Variants in LRRC28 observed in about 807,000 individuals in gnomAD.
LRRC28 encodes leucine-rich repeat-containing protein 28.
Under a neutral mutation model 45.7 loss-of-function variants are expected in LRRC28, and 39 were observed. The observed-to-expected ratio is 0.85, with a 90% CI of 0.66 to 1.12. The LOEUF (loss-of-function observed/expected upper bound fraction) is 1.12. Ranked by LOEUF, LRRC28 falls within the 50% of genes most tolerant of loss-of-function variation. The pLI is 0.00. For synonymous variants in LRRC28, 206 were observed against 178.8 expected, an observed-to-expected ratio of 1.15 and a Z score of -1.22; for missense variants, 435 against 438.5, an observed-to-expected ratio of 0.99 and a Z score of 0.07.
intron 5 of LRRC28, among the ~76,000 whole-genome samples, chr15:99,302,296 G>C (rs1955008352): frequency 6.6e-6 from 1 of 152,020 alleles, no homozygotes; most frequent in Admixed American, 6.6e-5. Flanking sequence ...CAAAGTGCTG[G>C]GATTACAGGC....
Position 99,343,997 on chromosome 15 carries a change from C to T in LRRC28, c.593-8372C>T, listed in dbSNP as rs192357388. Among the ~76,000 whole-genome samples the T allele has an allele frequency of 1.3e-4, 20 of 152,236 alleles. No homozygotes were observed. The East Asian group carries it at 2.1e-3, about 16-fold the overall frequency. On this transcript the variant is annotated intron_variant, in intron 6 of 9. Coordinates refer to ENST00000301981, the MANE Select transcript of LRRC28 (RefSeq NM_144598.5). ...CTTTACAGCCTGTGACCTTGCCCGG[C>T]GCTGCGGTGTCCTGGCCTCCCCACC...
intron 5 of LRRC28, among the ~76,000 whole-genome samples, chr15:99,310,230 C>CT (rs1316509929): frequency 6.6e-6 from 1 of 152,096 alleles, no homozygotes; most frequent in Non-Finnish European, 1.5e-5. Context: ...ATTTTTCTGC[C>CT]TTTTTCTAAA....
chr15:99,345,387 T>A (rs1956646861), intron 6 of LRRC28, among the ~76,000 whole-genome samples: 1 of 152,244 alleles, frequency 6.6e-6, no homozygotes, highest in South Asian at 2.1e-4. Context: ...CAAAGTGTTC[T>A]ATGTACCTTT....
chr15:99,251,984 G>A (rs765286739), intron 1 of LRRC28: 4 of 152,166 alleles, frequency 2.6e-5, no homozygotes, highest in Non-Finnish European at 4.4e-5. Flanking sequence ...AGTACGGGGA[G>A]GTCAGTATAA....
intron 5 of LRRC28, among the ~76,000 whole-genome samples, chr15:99,303,535 T>TCAAGAATATAAAAACGGC (rs1955060977): frequency 6.6e-6 from 1 of 152,046 alleles, no homozygotes. Flanking sequence ...CATTCATAGA[T>TCAAGAATATAAAAACGGC]CAAGAATATA....
intron 2 of LRRC28, chr15:99,259,164 A>T (rs1318246318): frequency 1.6e-6 from 2 of 1,284,704 alleles, no homozygotes; most frequent in Non-Finnish European, 2.3e-6. Flanking sequence ...TCTTCTCATC[A>T]TCCAGCTGAC....
chr15:99,344,031 CTG>C (rs1432173459), intron 6 of LRRC28, among the ~76,000 whole-genome samples: 1 of 152,154 alleles, frequency 6.6e-6, no homozygotes, highest in African/African-American at 2.4e-5. Context: ...CCAGGCTGTG[CTG>C]TGCCAACTAA....
chr15:99,316,779 T>C (rs1318740687), intron 5 of LRRC28, among the ~76,000 whole-genome samples: 1 of 151,734 alleles, frequency 6.6e-6, no homozygotes. Flanking sequence ...AAACAGTATC[T>C]GTAAAGTATT....
At chr15:99,263,956 A>T (rs2081268145) in intron 2 of LRRC28, among the ~76,000 whole-genome samples, 1 of 152,238 alleles carries the variant, frequency 6.6e-6, no homozygotes, top group Non-Finnish European at 1.5e-5. Context: ...GGACAAGTCT[A>T]CAAAGCTGTT....
chr15:99,355,437 A>T (rs1957018696), intron 7 of LRRC28: 1 of 152,262 alleles, frequency 6.6e-6, no homozygotes, highest in African/African-American at 2.4e-5. Flanking sequence ...AGGTGACTAC[A>T]TGGAGAGTGA....
chr15:99,262,945 C>T (rs2081237626), intron 2 of LRRC28, among the ~76,000 whole-genome samples: 1 of 151,914 alleles, frequency 6.6e-6, no homozygotes, highest in Non-Finnish European at 1.5e-5. Context: ...CTGTGCCTGG[C>T]CAGAACTTTC....
In LRRC28 at chr15:99,334,028, T is replaced by C; in HGVS notation, c.491T>C (p.Val164Ala). Reference sequence around the variant, plus strand: ...TGCCTTTCTCTGCAGTACCTCACTGTGGACCGAAATCGTCTATGGTATGTG... The same window carrying C: ...TGCCTTTCTCTGCAGTACCTCACTGCGGACCGAAATCGTCTATGGTATGTG... ...HMCLSLQYLT[V>A]DRNRLWYVPR... The change falls in exon 6 of 10, where the codon GTG becomes GCG. Residue 164 changes from valine (V) to alanine (A), a missense_variant. Physicochemically the swap from Val to Ala is moderately conservative, Grantham distance 64. Coordinates refer to ENST00000301981, the MANE Select transcript of LRRC28 (RefSeq NM_144598.5). 1 of 1,614,160 alleles carries C rather than the reference T, an allele frequency of 6.2e-7. No individual in the cohort carries two copies. Among genetic ancestry groups the C allele is most frequent in the South Asian group, 1.1e-5 (1 of 91,086 alleles).
chr15:99,303,861 T>G (rs1354994444), intron 5 of LRRC28, among the ~76,000 whole-genome samples: 1 of 151,920 alleles, frequency 6.6e-6, no homozygotes, highest in African/African-American at 2.4e-5. Flanking sequence ...TAAATGAATA[T>G]TCAAATGGAG....
intron 3 of LRRC28, among the ~76,000 whole-genome samples, chr15:99,281,003 C>T (rs1330939021): frequency 6.6e-6 from 1 of 151,626 alleles, no homozygotes. Context: ...TAATCCCACT[C>T]AGTGAAGTTT....
intron 6 of LRRC28, among the ~76,000 whole-genome samples, chr15:99,340,110 C>G (rs1396300335): frequency 6.6e-6 from 1 of 152,224 alleles, no homozygotes; most frequent in Admixed American, 6.5e-5. Flanking sequence ...TACCACTCCT[C>G]CAGATCACAC....
intron 9 of LRRC28, among the ~76,000 whole-genome samples, chr15:99,375,403 A>G (rs190085863): frequency 6.6e-6 from 1 of 152,320 alleles, no homozygotes; most frequent in East Asian, 1.9e-4. Context: ...ATCTTTGTTC[A>G]TGAAAGATAC....
At chr15:99,337,623 C>T (rs1482135023) in intron 6 of LRRC28, among the ~76,000 whole-genome samples, 1 of 152,212 alleles carries the variant, frequency 6.6e-6, no homozygotes, top group Non-Finnish European at 1.5e-5. Flanking sequence ...TCAGGAGCAA[C>T]TTTCCTTTGT....
In LRRC28 at chr15:99,386,018, T is replaced by A; in HGVS notation, c.1032-12T>A. The A allele has an allele frequency of 6.2e-7, 1 of 1,613,226 alleles. No homozygotes were observed. The highest frequency in any genetic ancestry group is 8.5e-7 in the Non-Finnish European group (1 of 1,179,190). On this transcript the variant is annotated splice_polypyrimidine_tract_variant and intron_variant, in intron 9 of 9. Coordinates refer to ENST00000301981, the MANE Select transcript of LRRC28 (RefSeq NM_144598.5). ...ACTCACAGCGTTCTTCTCTCCCTTTTTCCCCTTCCAGGAAGACAACTGTTA... is the reference window on the plus strand; with the variant it reads ...ACTCACAGCGTTCTTCTCTCCCTTTATCCCCTTCCAGGAAGACAACTGTTA...
intron 2 of LRRC28, among the ~76,000 whole-genome samples, chr15:99,274,051 C>T (rs2081553789): frequency 6.6e-6 from 1 of 152,194 alleles, no homozygotes; most frequent in African/African-American, 2.4e-5. Context: ...CAAGGAACAT[C>T]TGAGAAATGA....
Sources: gnomAD v4.1 joint callset for allele counts (sites outside exome capture counted in the v4.1 genomes callset) on GRCh38, gnomAD v4.1.1 for gene constraint, MANE v1.5 for transcripts, NCBI Gene and HGNC (gene_info 2026-07-23, HGNC 2026-07-21) for gene names.